ZNF620: variants seen among roughly 807,000 people sequenced by gnomAD.
ZNF620 encodes zinc finger protein 620.
ZNF620 carries 10 observed loss-of-function variants against 13.3 expected under a neutral mutation model. That is an observed-to-expected ratio of 0.75 (90% CI 0.46 to 1.28). ZNF620 has a LOEUF of 1.28. Ranked by LOEUF, ZNF620 falls within the 50% of genes most tolerant of loss-of-function variation. ZNF620 has a pLI of 0.00. For missense variants in ZNF620, 461 were observed against 500.2 expected, an observed-to-expected ratio of 0.92 and a Z score of 0.75; for synonymous variants, 166 against 177.6, an observed-to-expected ratio of 0.93 and a Z score of 0.52.
rs1416341636 is a variant in ZNF620, at chr3:40,511,554, A to G, written c.109A>G (p.Arg37Gly). The G allele has an allele frequency of 1.9e-5, 31 of 1,613,144 alleles. No homozygotes were observed. The East Asian group carries it at 6.5e-4, about 34-fold the overall frequency. Residue 37 changes from arginine (R) to glycine (G), a missense_variant, in exon 3 of 5, where the codon AGG becomes GGG. Physicochemically the swap from Arg to Gly is moderately radical, Grantham distance 125 (BLOSUM62 -2). Coordinates refer to ENST00000314529, the MANE Select transcript of ZNF620 (RefSeq NM_175888.4). ...GGACTCTGTGCAGAGGGCCCTGTAC[A>G]GGGAAGTGATGCTGGAGAATTATGC... ...SLDSVQRALYREVMLENYANV... is the reference protein window; with the variant it reads ...SLDSVQRALYGEVMLENYANV...
At position 40,516,230 on chromosome 3, in the gene ZNF620, C is replaced by T. The variant is rs778078580; in HGVS notation, c.636C>T (p.His212=). ...ATTTCATTCAAATGGCAGACTTCCA[C>T]CGACATGAGAAATGTCACACTGGTG... The part of the protein sequence containing the change: ...GRYFIQMADF[H]RHEKCHTGEK... The change falls in exon 5 of 5, where the codon CAC becomes CAT. Residue 212 remains histidine, a synonymous_variant. Coordinates refer to ENST00000314529, the MANE Select transcript of ZNF620 (RefSeq NM_175888.4). 4 of 1,613,940 alleles carry T rather than the reference C, an allele frequency of 2.5e-6. No individual in the cohort carries two copies. The highest frequency in any genetic ancestry group is 3.4e-6 in the Non-Finnish European group (4 of 1,180,056).
chr3:40,513,319 ATATATATAT>A (rs1559550914), intron 4 of ZNF620, among the ~76,000 whole-genome samples: 3,007 of 94,940 alleles, frequency 0.032, 299 homozygotes, highest in African/African-American at 0.1. Flanking sequence ...AAAAAAAAAT[ATATATATAT>A]ATATATATAT....
chr3:40,508,654 A>G, intron 2 of ZNF620: 1 of 393,318 alleles, frequency 2.5e-6, no homozygotes, highest in Non-Finnish European at 5.0e-6. Flanking sequence ...TTTTTTCCTT[A>G]GAGACAATCT....
intron 4 of ZNF620, among the ~76,000 whole-genome samples, chr3:40,513,204 C>T (rs1336036201): frequency 6.6e-6 from 1 of 150,722 alleles, no homozygotes; most frequent in Non-Finnish European, 1.5e-5. Context: ...GTGGCTCATA[C>T]CTGTAATCTC....
At position 40,506,758 on chromosome 3, in the gene ZNF620, G is replaced by C. The variant is rs143502816; in HGVS notation, c.24+382G>C. Among the ~76,000 whole-genome samples, 446 of 152,252 alleles carry C rather than the reference G, an allele frequency of 2.9e-3. 2 individuals are homozygous for C. Among genetic ancestry groups the C allele is most frequent in the African/African-American group, 9.8e-3 (407 of 41,534 alleles). ...TCTACATAGGTCATCTATGAGTAAA[G>C]ATAGTTTTACTCCTTTCTTTCCAGT... is the stretch of plus-strand genomic sequence containing the variant. On this transcript the variant is annotated intron_variant, in intron 2 of 4. Coordinates refer to ENST00000314529, the MANE Select transcript of ZNF620 (RefSeq NM_175888.4).
At chr3:40,506,209 T>C (rs1489359617) in intron 1 of ZNF620, 71 bp downstream of exon 1, 3 of 1,041,288 alleles carry the variant, frequency 2.9e-6, no homozygotes, top group Admixed American at 2.0e-5. Flanking sequence ...GGGTGAGGAG[T>C]TGGCGGAAAG....
chr3:40,511,622 C>G, intron 3 of ZNF620, 26 bp downstream of exon 3: 1 of 1,607,796 alleles, frequency 6.2e-7, no homozygotes, highest in Non-Finnish European at 8.5e-7. Flanking sequence ...TTGTTTTTGG[C>G]CTCTGCCCTT....
chr3:40,516,469 G>A lies in ZNF620; in HGVS notation c.875G>A (p.Ser292Asn). ...CKECGKAFSS[S>N]SVFLQHQRFH... ...GAGTGCGGCAAGGCCTTCAGTAGCA[G>A]CTCTGTCTTCCTCCAGCACCAGAGG... The change falls in exon 5 of 5, where the codon AGC becomes AAC. Residue 292 changes from serine to asparagine, a missense_variant. Transcript: ENST00000314529. 2 of 1,613,948 alleles carry A rather than the reference G, an allele frequency of 1.2e-6. No homozygotes were observed. Among genetic ancestry groups the A allele is most frequent in the Admixed American group, 1.7e-5 (1 of 60,016 alleles).
rs776420633 is a variant in ZNF620 at position 40,516,257 on chromosome 3, A to G, written c.663A>G (p.Glu221=). 5 of 1,614,142 alleles carry G rather than the reference A, an allele frequency of 3.1e-6. No individual in the cohort carries two copies. The Admixed American group carries it at 8.3e-5, about 27-fold the overall frequency. Reference sequence around the variant, plus strand: ...GACATGAGAAATGTCACACTGGTGAAAAGTCTTTTGAATGCAAAGAATGTG... The same window carrying G: ...GACATGAGAAATGTCACACTGGTGAGAAGTCTTTTGAATGCAAAGAATGTG... ...FHRHEKCHTG[E]KSFECKECGK... is the part of the protein sequence containing the mutation. Residue 221 remains glutamate (E), a synonymous_variant, in exon 5 of 5, where the codon GAA becomes GAG. Transcript: ENST00000314529.
intron 2 of ZNF620, among the ~76,000 whole-genome samples, chr3:40,509,466 G>A (rs539308181): frequency 3.3e-5 from 5 of 151,932 alleles, no homozygotes; most frequent in South Asian, 4.2e-4. Flanking sequence ...TCTTGGCCTC[G>A]AGTGATCTGC....
In ZNF620 at chr3:40,516,295, G is replaced by A; in HGVS notation, c.701G>A (p.Arg234Lys). ...TGCAAAGAATGTGGAAAATACTTCA[G>A]ATATAACTCATTACTTATTCGGCAT... ...FECKECGKYFRYNSLLIRHQI... is the reference protein window; with the variant it reads ...FECKECGKYFKYNSLLIRHQI... Residue 234 changes from arginine (R) to lysine (K), a missense_variant, in exon 5 of 5, where the codon AGA (arginine) becomes AAA (lysine). Transcript: ENST00000314529. The A allele has an allele frequency of 6.2e-7, 1 of 1,614,162 alleles. No individual in the cohort carries two copies. Among genetic ancestry groups the A allele is most frequent in the Non-Finnish European group, 8.5e-7 (1 of 1,180,026 alleles).
At chr3:40,506,489 T>A in intron 2 of ZNF620, 113 bp downstream of exon 2, 1 of 1,217,302 alleles carries the variant, frequency 8.2e-7, no homozygotes, top group Non-Finnish European at 1.2e-6. Context: ...ATTGTGCATC[T>A]GTCACTATGA....
chr3:40,513,501 T>G (rs1698274665), intron 4 of ZNF620, among the ~76,000 whole-genome samples: 1 of 150,754 alleles, frequency 6.6e-6, no homozygotes, highest in African/African-American at 2.4e-5. Context: ...AGCATGGACG[T>G]GGTAGCACGT....
chr3:40,512,510 G>A lies in ZNF620; in HGVS notation c.260G>A (p.Cys87Tyr). Reference sequence around the variant, plus strand: ...GGCAGGGAGGCTCTCAGAGGTATCTGTCCAGGTGAGCATGAGAACCCACTA... The same window carrying A: ...GGCAGGGAGGCTCTCAGAGGTATCTATCCAGGTGAGCATGAGAACCCACTA... ...PMGREALRGICPGDEARTEKE... is the reference protein window; with the variant it reads ...PMGREALRGIYPGDEARTEKE... Residue 87 changes from cysteine to tyrosine, a missense_variant, in exon 4 of 5, where the codon TGT (cysteine) becomes TAT (tyrosine). By Grantham distance (194) the Cys-to-Tyr change is radical (BLOSUM62 -2). Transcript: ENST00000314529. 6.3e-7 allele frequency: 1 copy of A among 1,598,770 alleles called. No individual in the cohort carries two copies. The highest frequency in any genetic ancestry group is 8.5e-7 in the Non-Finnish European group (1 of 1,175,040).
chr3:40,511,188 G>A (rs1300076206), intron 2 of ZNF620, among the ~76,000 whole-genome samples: 2 of 152,124 alleles, frequency 1.3e-5, no homozygotes, highest in Non-Finnish European at 2.9e-5. Context: ...ACTGGGGAAA[G>A]GAGCCCAGAG....
chr3:40,516,039 A>T lies in ZNF620; in HGVS notation c.445A>T (p.Arg149Ter). ...HWIIKTKSKR[R>*]HFTDTSARHH... ...GATAATTAAGACAAAGTCAAAGAGG[A>T]GACATTTCACAGATACCTCAGCCAG... The change falls in exon 5 of 5, where the codon AGA (arginine) becomes TGA (stop). Residue 149 changes from arginine (R) to a stop codon, truncating the protein, a stop_gained. Transcript: ENST00000314529. LOFTEE classifies it low-confidence loss of function (END_TRUNC). The T allele has an allele frequency of 6.2e-7, 1 of 1,614,196 alleles. No homozygotes were observed. The highest frequency in any genetic ancestry group is 8.5e-7 in the Non-Finnish European group (1 of 1,180,026).
rs144293157 is a variant in ZNF620 at position 40,516,347 on chromosome 3, A to G, written c.753A>G (p.Pro251=). Residue 251 remains proline, a synonymous_variant, in exon 5 of 5, where the codon CCA becomes CCG. Transcript: ENST00000314529. ...AGATAATTCACACTGGAAAGAAACCATTTAAATGTAAAGAATGTGGAAAAG... is the reference window on the plus strand; with the variant it reads ...AGATAATTCACACTGGAAAGAAACCGTTTAAATGTAAAGAATGTGGAAAAG... ...RHQIIHTGKK[P]FKCKECGKGL... The G allele has an allele frequency of 1.2e-6, 2 of 1,614,114 alleles. No individual in the cohort carries two copies. The highest frequency in any genetic ancestry group is 2.7e-5 in the African/African-American group (2 of 74,940).
chr3:40,511,461 T>G lies in ZNF620; in HGVS notation c.25-9T>G. On this transcript the variant is annotated splice_polypyrimidine_tract_variant and intron_variant, in intron 2 of 4. Transcript: ENST00000314529. ...CACACAGGGTTTGAGCAGGAACTTG[T>G]TGTTTTAGGAACCAGTGACCTTTGA... 1 of 1,612,338 alleles carries G rather than the reference T, an allele frequency of 6.2e-7. No homozygotes were observed. Among genetic ancestry groups the G allele is most frequent in the Non-Finnish European group, 8.5e-7 (1 of 1,178,894 alleles).
At position 40,516,473 on chromosome 3, in the gene ZNF620, T is replaced by C. The variant is rs1460005773; in HGVS notation, c.879T>C (p.Ser293=). 5 of 1,613,940 alleles carry C rather than the reference T, an allele frequency of 3.1e-6. No individual in the cohort carries two copies. Among genetic ancestry groups the C allele is most frequent in the Non-Finnish European group, 3.4e-6 (4 of 1,179,840 alleles). ...KECGKAFSSS[S]VFLQHQRFHT... Reference sequence around the variant, plus strand: ...GCGGCAAGGCCTTCAGTAGCAGCTCTGTCTTCCTCCAGCACCAGAGGTTCC... The same window carrying C: ...GCGGCAAGGCCTTCAGTAGCAGCTCCGTCTTCCTCCAGCACCAGAGGTTCC... The change falls in exon 5 of 5, where the codon TCT becomes TCC. Residue 293 remains serine (S), a synonymous_variant. Coordinates refer to ENST00000314529, the MANE Select transcript of ZNF620 (RefSeq NM_175888.4).
Sources: gnomAD v4.1 joint callset for allele counts (sites outside exome capture counted in the v4.1 genomes callset) on GRCh38, gnomAD v4.1.1 for gene constraint, MANE v1.5 for transcripts, NCBI Gene and HGNC (gene_info 2026-07-23, HGNC 2026-07-21) for gene names.